THEMIS: variants seen among roughly 807,000 people sequenced by gnomAD.
THEMIS encodes the protein protein THEMIS.
A neutral mutation model predicts 52.6 loss-of-function variants in THEMIS; 37 were observed. The ratio of observed to expected loss-of-function variants is 0.70; its 90% CI spans 0.54 to 0.93. THEMIS has a LOEUF of 0.93. THEMIS is among the 40% of genes least tolerant of loss of function. The pLI is 0.00. For missense variants in THEMIS, 808 were observed against 763.1 expected (o/e 1.06, Z -0.69); for synonymous variants, 292 against 272.7 (o/e 1.07, Z -0.70).
chr6:127,742,975 T>A (rs997253994), intron 4 of THEMIS, among the ~76,000 whole-genome samples: 5 of 152,184 alleles, frequency 3.3e-5, no homozygotes, highest in African/African-American at 1.2e-4. Context: ...ATATGAAGAA[T>A]ATTCCTTCTT....
chr6:127,907,128 G>A (rs1341134541), intron 1 of THEMIS, among the ~76,000 whole-genome samples: 1 of 151,784 alleles, frequency 6.6e-6, no homozygotes, highest in African/African-American at 2.4e-5. Context: ...ATTCTGACTG[G>A]TATCTAAATC....
rs567087182 is a variant in THEMIS, at chr6:127,782,794, G to A, written c.1758+30089C>T. ...CTCATGGATAGGAAGAATCAATATC[G>A]TAAAAATGGCCATACTGCCCAAAGT... is the stretch of plus-strand genomic sequence containing the variant. On this transcript the variant is annotated intron_variant, in intron 4 of 5. Transcript: ENST00000368248. 1.2e-4 allele frequency among the ~76,000 whole-genome samples: 19 copies of A among 152,190 alleles called. No individual in the cohort carries two copies. The South Asian group carries it at 2.3e-3, about 18-fold the overall frequency.
At chr6:127,742,645 A>C (rs1775248831) in intron 4 of THEMIS, among the ~76,000 whole-genome samples, 3 of 152,200 alleles carry the variant, frequency 2.0e-5, no homozygotes, top group Admixed American at 2.0e-4. Context: ...AAGACATTAT[A>C]GTAAGTGAAA....
chr6:127,717,132 A>G (rs1774195324), intron 5 of THEMIS, among the ~76,000 whole-genome samples: 1 of 151,916 alleles, frequency 6.6e-6, no homozygotes, highest in South Asian at 2.1e-4. Flanking sequence ...GTTAATTATT[A>G]TAGCCTGACT....
At chr6:127,829,306 G>T (rs1778613236) in intron 3 of THEMIS, among the ~76,000 whole-genome samples, 170 bp downstream of exon 3, 1 of 152,144 alleles carries the variant, frequency 6.6e-6, no homozygotes, top group Non-Finnish European at 1.5e-5. Flanking sequence ...TATTCAATAT[G>T]ATCTTTTGAG....
chr6:127,835,740 T>C (rs1417961931), intron 2 of THEMIS, among the ~76,000 whole-genome samples: 1 of 152,106 alleles, frequency 6.6e-6, no homozygotes, highest in African/African-American at 2.4e-5. Flanking sequence ...CTGGCACAGA[T>C]TGAGCAAAAA....
chr6:127,813,569 C>T lies in THEMIS; in HGVS notation c.1072G>A (p.Ala358Thr), dbSNP rs1778012523. 1.2e-6 allele frequency: 2 copies of T among 1,613,670 alleles called. No individual in the cohort carries two copies. Among genetic ancestry groups the T allele is most frequent in the East Asian group, 2.2e-5 (1 of 44,860 alleles). ...EFPTAYDLEIAKSEKEPLHVV... is the reference protein window; with the variant it reads ...EFPTAYDLEITKSEKEPLHVV... ...TGAAGAGGCTCCTTTTCACTCTTAG[C>T]GATCTCTAGGTCATAGGCCGTTGGG... Residue 358 changes from alanine to threonine, a missense_variant, in exon 4 of 6, where the codon GCT (alanine) becomes ACT (threonine). Physicochemically the swap from Ala to Thr is moderately conservative, Grantham distance 58. Coordinates refer to ENST00000368248, the MANE Select transcript of THEMIS (RefSeq NM_001010923.3).
At chr6:127,754,958 G>A (rs1775770923) in intron 4 of THEMIS, among the ~76,000 whole-genome samples, 1 of 151,470 alleles carries the variant, frequency 6.6e-6, no homozygotes, top group Non-Finnish European at 1.5e-5. Flanking sequence ...ATGCATTGGA[G>A]AACTTTCCCA....
chr6:127,858,385 G>A (rs889001638), intron 1 of THEMIS, among the ~76,000 whole-genome samples: 2 of 151,974 alleles, frequency 1.3e-5, no homozygotes, highest in African/African-American at 4.8e-5. Flanking sequence ...CTTCAACCAA[G>A]AAAGCTGTTA....
intron 1 of THEMIS, among the ~76,000 whole-genome samples, chr6:127,891,153 T>C (rs1435299101): frequency 6.6e-6 from 1 of 152,128 alleles, no homozygotes; most frequent in Non-Finnish European, 1.5e-5. Flanking sequence ...TACACAAACA[T>C]TTACCCAGTG....
chr6:127,736,744 CT>C (rs575523537), intron 4 of THEMIS, among the ~76,000 whole-genome samples: 80 of 150,896 alleles, frequency 5.3e-4, no homozygotes, highest in African/African-American at 1.8e-3. Context: ...CTATATTCTT[CT>C]ATCTCCTAAT....
chr6:127,732,920 T>C (rs1774861324), intron 4 of THEMIS, among the ~76,000 whole-genome samples: 1 of 152,190 alleles, frequency 6.6e-6, no homozygotes, highest in South Asian at 2.1e-4. Flanking sequence ...GAGCCTGCAG[T>C]TTCCCAGAGT....
chr6:127,740,691 A>G (rs919496427), intron 4 of THEMIS, among the ~76,000 whole-genome samples: 2 of 152,186 alleles, frequency 1.3e-5, no homozygotes, highest in Non-Finnish European at 2.9e-5. Context: ...ATAGCTGTGG[A>G]GAAGAAGAGA....
chr6:127,817,295 G>A (rs113739311), intron 3 of THEMIS, among the ~76,000 whole-genome samples: 2,005 of 152,016 alleles, frequency 0.013, 45 homozygotes, highest in African/African-American at 0.046. Context: ...GACCACTAAA[G>A]GAAGCAATTC....
intron 1 of THEMIS, among the ~76,000 whole-genome samples, chr6:127,879,955 C>T (rs1447202746): frequency 2.0e-5 from 3 of 152,158 alleles, no homozygotes; most frequent in African/African-American, 7.2e-5. Flanking sequence ...CCAGACTCCT[C>T]CCCCGGGTGT....
chr6:127,752,797 G>A (rs1272333132), intron 4 of THEMIS, among the ~76,000 whole-genome samples: 1 of 151,666 alleles, frequency 6.6e-6, no homozygotes. Context: ...AAAAATTAAA[G>A]AGAAAGAAAT....
At chr6:127,795,840 T>C (rs1455009268) in intron 4 of THEMIS, among the ~76,000 whole-genome samples, 1 of 152,184 alleles carries the variant, frequency 6.6e-6, no homozygotes, top group African/African-American at 2.4e-5. Context: ...TACTAGAAAG[T>C]CCTACATTGT....
chr6:127,809,323 T>C (rs1372347162), intron 4 of THEMIS, among the ~76,000 whole-genome samples: 2 of 152,092 alleles, frequency 1.3e-5, no homozygotes, highest in African/African-American at 4.8e-5. Context: ...ATAAAAGGAA[T>C]ATATGAAAGG....
chr6:127,876,411 A>G (rs1033785735), intron 1 of THEMIS, among the ~76,000 whole-genome samples: 1 of 152,190 alleles, frequency 6.6e-6, no homozygotes, highest in Non-Finnish European at 1.5e-5. Context: ...TTCTTGATAT[A>G]TTGTTTCTTA....
Sources: gnomAD v4.1 joint callset for allele counts (sites outside exome capture counted in the v4.1 genomes callset) on GRCh38, gnomAD v4.1.1 for gene constraint, MANE v1.5 for transcripts, NCBI Gene and HGNC (gene_info 2026-07-23, HGNC 2026-07-21) for gene names.